Variants in RNF180 observed in about 807,000 individuals in gnomAD.
RNF180 encodes E3 ubiquitin-protein ligase RNF180.
A neutral mutation model predicts 59.2 loss-of-function variants in RNF180; 38 were observed. That is an observed-to-expected ratio of 0.64 (90% CI 0.50 to 0.84). The LOEUF is 0.84. Ranked by LOEUF, RNF180 falls within the 40% of genes least tolerant of loss-of-function variation. The pLI is 0.00. For synonymous variants in RNF180, 262 were observed against 240.3 expected (o/e 1.09, Z -0.84); for missense variants, 705 against 700.9 (o/e 1.01, Z -0.07).
chr5:64,338,818 A>T (rs192462149), intron 7 of RNF180, among the ~76,000 whole-genome samples: 17 of 152,200 alleles, frequency 1.1e-4, no homozygotes, highest in Non-Finnish European at 2.4e-4. Context: ...CATTTCTTGA[A>T]ATTATCATAC....
intron 5 of RNF180, among the ~76,000 whole-genome samples, chr5:64,299,232 T>C (rs577908879): frequency 1.3e-5 from 2 of 152,114 alleles, no homozygotes; most frequent in Admixed American, 6.6e-5. Flanking sequence ...CTTTGAGATA[T>C]AAATTTCTGT....
At chr5:64,311,479 C>CTAGA (rs1414855907) in intron 5 of RNF180, among the ~76,000 whole-genome samples, 3 of 151,856 alleles carry the variant, frequency 2.0e-5, no homozygotes, top group African/African-American at 7.3e-5. Context: ...TGTACATGAA[C>CTAGA]TAGAGTGTGG....
At chr5:64,270,026 A>C (rs1744919625) in intron 5 of RNF180, among the ~76,000 whole-genome samples, 1 of 148,584 alleles carries the variant, frequency 6.7e-6, no homozygotes. Flanking sequence ...CAGTAACAAT[A>C]ACACACACAC....
intron 5 of RNF180, among the ~76,000 whole-genome samples, chr5:64,291,301 T>C (rs1742567460): frequency 6.6e-6 from 1 of 152,074 alleles, no homozygotes; most frequent in Admixed American, 6.6e-5. Context: ...TGATTATGTG[T>C]CTTGGGTTGA....
At chr5:64,256,648 T>G (rs1469240996) in intron 5 of RNF180, among the ~76,000 whole-genome samples, 1 of 152,232 alleles carries the variant, frequency 6.6e-6, no homozygotes, top group East Asian at 1.9e-4. Context: ...TGCCTCCAGC[T>G]TTGTTCTTTT....
At chr5:64,237,183 A>G (rs1404681075) in intron 5 of RNF180, among the ~76,000 whole-genome samples, 2 of 152,144 alleles carry the variant, frequency 1.3e-5, no homozygotes, top group East Asian at 3.9e-4. Context: ...GTGAAAACAG[A>G]CACAGGGGCT....
intron 7 of RNF180, among the ~76,000 whole-genome samples, chr5:64,367,081 A>G (rs1746481680): frequency 6.6e-6 from 1 of 151,566 alleles, no homozygotes; most frequent in African/African-American, 2.4e-5. Flanking sequence ...AGTGCTGAAG[A>G]AAAAAATGGC....
At chr5:64,283,522 C>T (rs1424109409) in intron 5 of RNF180, among the ~76,000 whole-genome samples, 1 of 152,074 alleles carries the variant, frequency 6.6e-6, no homozygotes, top group Non-Finnish European at 1.5e-5. Context: ...GAATTATAAT[C>T]CTCATAATCT....
At chr5:64,299,864 A>G (rs886108063) in intron 5 of RNF180, among the ~76,000 whole-genome samples, 2 of 152,040 alleles carry the variant, frequency 1.3e-5, no homozygotes, top group East Asian at 3.9e-4. Context: ...TAAATGGTTC[A>G]TAAGTTTTTA....
chr5:64,194,367 G>T (rs1438188307), intron 1 of RNF180, among the ~76,000 whole-genome samples: 1 of 152,156 alleles, frequency 6.6e-6, no homozygotes, highest in Non-Finnish European at 1.5e-5. Flanking sequence ...GTATTCCATG[G>T]TGTATATGGG....
At chr5:64,349,615 G>A (rs1479030215) in intron 7 of RNF180, among the ~76,000 whole-genome samples, 2 of 151,766 alleles carry the variant, frequency 1.3e-5, no homozygotes, top group African/African-American at 4.8e-5. Flanking sequence ...AGGCCCCAGT[G>A]TGTGATGTTC....
intron 5 of RNF180, among the ~76,000 whole-genome samples, chr5:64,305,605 T>C (rs188294857): frequency 1.0e-3 from 158 of 151,660 alleles, no homozygotes; most frequent in African/African-American, 3.7e-3. Context: ...CTAATAACAG[T>C]TTCCTAAGTC....
chr5:64,174,819 A>G (rs538811778), intron 1 of RNF180, among the ~76,000 whole-genome samples: 1 of 152,044 alleles, frequency 6.6e-6, no homozygotes, highest in Admixed American at 6.5e-5. Context: ...CTGCTTGTCT[A>G]TTTTTGTTTC....
chr5:64,193,485 G>A (rs911466877), intron 1 of RNF180, among the ~76,000 whole-genome samples: 4 of 151,960 alleles, frequency 2.6e-5, no homozygotes, highest in African/African-American at 9.7e-5. Context: ...ATTAACATCA[G>A]TCCATATAAA....
intron 1 of RNF180, among the ~76,000 whole-genome samples, chr5:64,180,360 A>G (rs1286180355): frequency 6.6e-6 from 1 of 152,218 alleles, no homozygotes; most frequent in African/African-American, 2.4e-5. Context: ...ATAAATAAAT[A>G]AATGAAGAAG....
At chr5:64,262,229 A>G (rs996949785) in intron 5 of RNF180, among the ~76,000 whole-genome samples, 4 of 152,170 alleles carry the variant, frequency 2.6e-5, no homozygotes, top group African/African-American at 9.6e-5. Flanking sequence ...TCAAAGCTAG[A>G]TATAAATCTT....
intron 5 of RNF180, among the ~76,000 whole-genome samples, chr5:64,322,834 C>A (rs1266136845): frequency 1.3e-5 from 2 of 151,848 alleles, no homozygotes; most frequent in East Asian, 3.9e-4. Context: ...CTTTGGGGAC[C>A]CAGGGGGAAA....
At chr5:64,203,299 A>G (rs1187190070) in intron 2 of RNF180, among the ~76,000 whole-genome samples, 2 of 152,214 alleles carry the variant, frequency 1.3e-5, no homozygotes, top group Non-Finnish European at 2.9e-5. Flanking sequence ...TGCAGAAAAG[A>G]TAATATGTGA....
intron 5 of RNF180, among the ~76,000 whole-genome samples, chr5:64,269,970 A>C (rs796715762): frequency 2.0e-4 from 31 of 152,100 alleles, no homozygotes; most frequent in African/African-American, 7.0e-4. Context: ...AGGTCTCCAT[A>C]ATGCCATTCT....
Sources: gnomAD v4.1 joint callset for allele counts (sites outside exome capture counted in the v4.1 genomes callset) on GRCh38, gnomAD v4.1.1 for gene constraint, MANE v1.5 for transcripts, NCBI Gene and HGNC (gene_info 2026-07-23, HGNC 2026-07-21) for gene names.